EDNRB: variants seen among roughly 807,000 people sequenced by gnomAD.
EDNRB encodes the protein Hirschsprung disease 2.
Under a neutral mutation model 46.4 loss-of-function variants are expected in EDNRB, and 18 were observed. The observed-to-expected ratio is 0.39, with a 90% CI of 0.27 to 0.57. EDNRB has a LOEUF of 0.57. EDNRB is among the 20% of genes least tolerant of loss of function. The pLI is 0.61. For missense variants in EDNRB, 434 were observed against 537.5 expected, an observed-to-expected ratio of 0.81 and a Z score of 1.90; for synonymous variants, 213 against 204.9, an observed-to-expected ratio of 1.04 and a Z score of -0.34.
At chr13:77,968,121 T>A (rs1192998344) in intron 1 of EDNRB, among the ~76,000 whole-genome samples, 1 of 152,190 alleles carries the variant, frequency 6.6e-6, no homozygotes, top group Non-Finnish European at 1.5e-5. Context: ...ATGAAAATCA[T>A]GAAATATAAA....
intron 1 of EDNRB, among the ~76,000 whole-genome samples, chr13:77,931,776 A>AAAAAC (rs1880417275): frequency 1.9e-5 from 2 of 102,892 alleles, no homozygotes; most frequent in Admixed American, 1.1e-4. Flanking sequence ...AAAAAAAAAC[A>AAAAAC]AAAAAAACCT....
intron 1 of EDNRB, among the ~76,000 whole-genome samples, chr13:77,903,951 T>C (rs1187411277): frequency 1.3e-5 from 2 of 151,860 alleles, no homozygotes; most frequent in Non-Finnish European, 2.9e-5. Flanking sequence ...GCCCAGATCA[T>C]GGCCAAAGCA....
Position 77,901,207 on chromosome 13 carries a change from A to G in EDNRB, c.802T>C (p.Phe268Leu), listed in dbSNP as rs1332382690. The G allele has an allele frequency of 1.2e-6, 2 of 1,610,354 alleles. No individual in the cohort carries two copies. Among genetic ancestry groups the G allele is most frequent in the East Asian group, 2.2e-5 (1 of 44,618 alleles). ...HPVQKTAFMQ[F>L]YKTAKDWWLF... ...CACCAATCTTTTGCTGTCTTGTAAA[A>G]CTATAGGGATGAGAGAATTTTTACG... Residue 268 changes from phenylalanine (F) to leucine (L), a missense_variant and splice_region_variant, in exon 4 of 7, where the codon TTT (phenylalanine) becomes CTT (leucine). Phe to Leu is a conservative substitution (Grantham distance 22, BLOSUM62 0). Coordinates refer to ENST00000646607, the MANE Select transcript of EDNRB (RefSeq NM_001122659.3).
intron 1 of EDNRB, among the ~76,000 whole-genome samples, chr13:77,955,921 T>C (rs1881226272): frequency 6.6e-6 from 1 of 151,706 alleles, no homozygotes; most frequent in Non-Finnish European, 1.5e-5. Context: ...CATACTGTTT[T>C]AATCACAGTA....
At chr13:77,968,154 A>T (rs538214501) in intron 1 of EDNRB, among the ~76,000 whole-genome samples, 82 of 152,204 alleles carry the variant, frequency 5.4e-4, no homozygotes, top group Admixed American at 2.0e-3. Context: ...CCATATATTT[A>T]CATACTATAA....
chr13:77,904,022 C>T (rs988912027), intron 1 of EDNRB, among the ~76,000 whole-genome samples: 3 of 151,948 alleles, frequency 2.0e-5, no homozygotes, highest in African/African-American at 7.2e-5. Context: ...CCAGACTTCC[C>T]TACTGAAGTA....
chr13:77,971,848 C>T (rs1594405664), intron 1 of EDNRB, among the ~76,000 whole-genome samples: 1 of 152,126 alleles, frequency 6.6e-6, no homozygotes, highest in Non-Finnish European at 1.5e-5. Flanking sequence ...TGATGAAATG[C>T]CCCAGTGAAA....
intron 1 of EDNRB, among the ~76,000 whole-genome samples, chr13:77,938,238 C>T (rs1440963842): frequency 6.6e-6 from 1 of 151,944 alleles, no homozygotes; most frequent in Non-Finnish European, 1.5e-5. Flanking sequence ...TCCGGGGGTT[C>T]TTACCCTCCA....
chr13:77,919,401 C>T, upstream of EDNRB: 1 of 1,610,512 alleles, frequency 6.2e-7, no homozygotes, highest in Non-Finnish European at 8.5e-7. Context: ...GTTTACCTCT[C>T]GGATCTGACA....
intron 1 of EDNRB, among the ~76,000 whole-genome samples, chr13:77,930,281 C>G (rs1401681122): frequency 2.6e-5 from 4 of 152,120 alleles, no homozygotes; most frequent in Non-Finnish European, 4.4e-5. Context: ...GTTTAGTAGA[C>G]AGAAGATTCT....
chr13:77,969,097 T>C (rs1486807925), intron 1 of EDNRB, among the ~76,000 whole-genome samples: 1 of 152,210 alleles, frequency 6.6e-6, no homozygotes, highest in East Asian at 1.9e-4. Context: ...CGTTTAAGCC[T>C]TGTGGCACCA....
rs1468720481 is a variant in EDNRB, at chr13:77,918,569, T to C, written c.5A>G (p.Gln2Arg). M[Q>R]PPPSLCGRAL... ...GCGTCCGCACAGACTTGGAGGCGGC[T>C]GCATGCTGCTACCTGCTCCAGAAGG... The change falls in exon 1 of 7, where the codon CAG becomes CGG. Residue 2 changes from glutamine to arginine, a missense_variant. Transcript: ENST00000646607. The surrounding 1 kb of genome is among the most constrained non-coding windows in gnomAD (Gnocchi z 4.5). The C allele has an allele frequency of 1.1e-5, 18 of 1,595,324 alleles. No individual in the cohort carries two copies. The highest frequency in any genetic ancestry group is 1.5e-5 in the Non-Finnish European group (18 of 1,174,554).
At chr13:77,974,143 C>T (rs1026581984) in intron 1 of EDNRB, among the ~76,000 whole-genome samples, 19 of 152,034 alleles carry the variant, frequency 1.2e-4, no homozygotes, top group African/African-American at 1.7e-4. Context: ...TTGTTTTGTC[C>T]AAATTAACTT....
intron 1 of EDNRB, among the ~76,000 whole-genome samples, chr13:77,935,804 C>T (rs1252745533): frequency 3.3e-4 from 50 of 152,106 alleles, no homozygotes; most frequent in Admixed American, 3.3e-3. Flanking sequence ...GTAAAGAAAG[C>T]ATGTTAGAGA....
chr13:77,965,848 A>G (rs971447767), intron 1 of EDNRB, among the ~76,000 whole-genome samples: 1 of 151,942 alleles, frequency 6.6e-6, no homozygotes, highest in Non-Finnish European at 1.5e-5. Flanking sequence ...TGGGTTTCTT[A>G]ATTATAATTT....
intron 1 of EDNRB, among the ~76,000 whole-genome samples, chr13:77,935,617 A>G (rs963200964): frequency 6.6e-6 from 1 of 152,198 alleles, no homozygotes; most frequent in African/African-American, 2.4e-5. Context: ...TGTGTTTATG[A>G]GAATTACGCC....
At chr13:77,967,997 CTG>C (rs1881627354) in intron 1 of EDNRB, among the ~76,000 whole-genome samples, 1 of 152,136 alleles carries the variant, frequency 6.6e-6, no homozygotes, top group Non-Finnish European at 1.5e-5. Flanking sequence ...ACTGAAAAGA[CTG>C]TGTGCCATGA....
At chr13:77,898,516 A>G (rs890526124) in intron 6 of EDNRB, among the ~76,000 whole-genome samples, 182 bp from the exon 7 acceptor site, 1 of 151,978 alleles carries the variant, frequency 6.6e-6, no homozygotes, top group Non-Finnish European at 1.5e-5. Flanking sequence ...TAATTTTTTA[A>G]CTAAAAAAAT....
rs1374055795 is a variant in EDNRB at position 77,918,055 on chromosome 13, C to G, written c.483+36G>C. On this transcript the variant is annotated intron_variant, in intron 1 of 6. Coordinates refer to ENST00000646607, the MANE Select transcript of EDNRB (RefSeq NM_001122659.3). This position sits in a 1 kb window ranked among gnomAD's most constrained non-coding sequence, Gnocchi z 4.5. ...CCCCGTCTCCAACCAGGCCCCCTTCCTCAAGCCCACCATGATTTCAGCAGG... is the reference window on the plus strand; with the variant it reads ...CCCCGTCTCCAACCAGGCCCCCTTCGTCAAGCCCACCATGATTTCAGCAGG... 4.3e-6 allele frequency: 7 copies of G among 1,613,362 alleles called. No homozygotes were observed. Among genetic ancestry groups the G allele is most frequent in the Non-Finnish European group, 5.9e-6 (7 of 1,180,030 alleles).
Sources: allele counts gnomAD v4.1 joint callset (sites outside exome capture counted in the v4.1 genomes callset), GRCh38; gene constraint gnomAD v4.1.1; non-coding constraint Gnocchi (gnomAD v3.1); transcripts MANE v1.5; gene names NCBI Gene and HGNC (gene_info 2026-07-23, HGNC 2026-07-21).